PAM: variants seen among roughly 807,000 people sequenced by gnomAD.
The protein encoded by PAM is peptidyl-glycine alpha-amidating monooxygenase.
In PAM, 72 loss-of-function variants were observed where a neutral mutation model predicts 122.1. The ratio of observed to expected loss-of-function variants is 0.59; its 90% confidence interval spans 0.49 to 0.72. The LOEUF (loss-of-function observed/expected upper bound fraction) is 0.72. Among genes scored for constraint, PAM ranks in the 30% least tolerant of loss-of-function variants. PAM has a pLI of 0.00. For missense variants in PAM, 1,106 were observed against 1,183.7 expected (o/e 0.93, Z 0.96); for synonymous variants, 389 against 404.4 (o/e 0.96, Z 0.46).
At chr5:102,853,101 C>T (rs78876507) in intron 1 of PAM, among the ~76,000 whole-genome samples, 11,186 of 152,124 alleles carry the variant, frequency 0.074, 827 homozygotes, top group African/African-American at 0.18. Flanking sequence ...GTTGGTTCTG[C>T]CAGACTGCTT....
rs953211443 is a variant in PAM at position 102,915,822 on chromosome 5, T to C, written c.356+1801T>C. 2.6e-5 allele frequency among the ~76,000 whole-genome samples: 4 copies of C among 152,236 alleles called. No homozygotes were observed. In the East Asian group the frequency reaches 7.7e-4, roughly 29 times the overall value. On this transcript the variant is annotated intron_variant, in intron 5 of 25. Transcript: ENST00000438793. The stretch of plus-strand genomic sequence containing the variant: ...AAAAATTATCTAAAATGAGCCAAGC[T>C]CATTGTTCTCATGTTAAGGGAATAA...
chr5:102,901,471 C>T lies in PAM; in HGVS notation c.268+58C>T, dbSNP rs1000435687. On this transcript the variant is annotated intron_variant, in intron 4 of 25. Coordinates refer to ENST00000438793, the MANE Select transcript of PAM (RefSeq NM_001177306.2). ...TTAATGGAGGGCAGTGATTTGAAAT[C>T]AGTGAAAGGTTCTCTTTGAGGGTTA... 7.5e-6 allele frequency: 7 copies of T among 927,252 alleles called. No individual in the cohort carries two copies. The African/African-American group carries it at 1.1e-4, about 15-fold the overall frequency. 57.4% of individuals were successfully genotyped at this position (927,252 alleles called of 1,614,324 possible).
intron 12 of PAM, 68 bp from the exon 13 acceptor site, chr5:102,959,807 A>T: frequency 9.5e-7 from 1 of 1,053,538 alleles, no homozygotes; most frequent in South Asian, 1.4e-5. Context: ...TAAGGGCTTC[A>T]TTTTTCTTGC....
chr5:102,762,786 C>T (rs557496762), intron 1 of PAM, among the ~76,000 whole-genome samples: 1 of 152,122 alleles, frequency 6.6e-6, no homozygotes, highest in African/African-American at 2.4e-5. Context: ...TAATCAGGAG[C>T]GAAGTGGTTC....
intron 8 of PAM, 33 bp downstream of exon 8, chr5:102,946,918 A>C: frequency 7.1e-7 from 1 of 1,418,430 alleles, no homozygotes; most frequent in Non-Finnish European, 1.0e-6. Context: ...GAGGAGCAGC[A>C]ACTTTAACAT....
At chr5:102,898,871 T>C (rs1240520377) in intron 3 of PAM, among the ~76,000 whole-genome samples, 3 of 151,654 alleles carry the variant, frequency 2.0e-5, no homozygotes, top group African/African-American at 7.3e-5. Flanking sequence ...TTTCACCAAT[T>C]TCCAGATTGT....
At chr5:102,869,864 A>G (rs1410904904) in intron 3 of PAM, among the ~76,000 whole-genome samples, 1 of 152,170 alleles carries the variant, frequency 6.6e-6, no homozygotes, top group Non-Finnish European at 1.5e-5. Flanking sequence ...AAAGCAAGAC[A>G]GAATAATGAA....
At chr5:102,902,778 G>A (rs1031332249) in intron 4 of PAM, among the ~76,000 whole-genome samples, 1 of 151,298 alleles carries the variant, frequency 6.6e-6, no homozygotes, top group African/African-American at 2.4e-5. Flanking sequence ...TTTGAGTCCT[G>A]TTTTCACACC....
chr5:102,828,849 C>T (rs932884999), intron 1 of PAM, among the ~76,000 whole-genome samples: 2 of 151,192 alleles, frequency 1.3e-5, no homozygotes, highest in Admixed American at 6.6e-5. Context: ...GAATACAGCT[C>T]TCAGCCTAGG....
At chr5:102,764,166 CCAGG>C (rs1298956108) in intron 1 of PAM, among the ~76,000 whole-genome samples, 6 of 151,894 alleles carry the variant, frequency 4.0e-5, no homozygotes, top group African/African-American at 1.5e-4. Flanking sequence ...ACTCTCTGTG[CCAGG>C]CTCTAGGAAT....
intron 9 of PAM, among the ~76,000 whole-genome samples, chr5:102,949,294 G>A (rs1758008346): frequency 6.6e-6 from 1 of 152,052 alleles, no homozygotes; most frequent in Non-Finnish European, 1.5e-5. Context: ...TTCACTAACA[G>A]AGTATTTTGA....
At position 102,804,031 on chromosome 5, in the gene PAM, G is replaced by A. The variant is rs141762982; in HGVS notation, c.-374+48683G>A. ...GAGGAGAAACAGGAGAAGTGTGAGG[G>A]TTGCAGGGGGGGATGGGGAGATAGA... On this transcript the variant is annotated intron_variant, in intron 1 of 25. Transcript: ENST00000438793. Among the ~76,000 whole-genome samples, 277 of 152,248 alleles carry A rather than the reference G, an allele frequency of 1.8e-3. 1 individual carries two copies. The highest frequency in any genetic ancestry group is 6.3e-3 in the African/African-American group (263 of 41,542).
chr5:102,945,112 T>C (rs1756597474), intron 7 of PAM, among the ~76,000 whole-genome samples: 3 of 152,140 alleles, frequency 2.0e-5, no homozygotes, highest in Non-Finnish European at 4.4e-5. Flanking sequence ...TCCTATGCTC[T>C]AAATAGAGTG....
At chr5:102,914,931 C>T (rs1319319168) in intron 5 of PAM, among the ~76,000 whole-genome samples, 1 of 152,066 alleles carries the variant, frequency 6.6e-6, no homozygotes, top group East Asian at 1.9e-4. Context: ...TATTAAATGC[C>T]TGTCATATGC....
At chr5:102,915,982 A>G (rs1802980170) in intron 5 of PAM, among the ~76,000 whole-genome samples, 2 of 152,178 alleles carry the variant, frequency 1.3e-5, no homozygotes, top group South Asian at 4.1e-4. Context: ...AGAAAAATAT[A>G]AATGAAAGTG....
intron 1 of PAM, among the ~76,000 whole-genome samples, chr5:102,828,371 T>C (rs941523915): frequency 2.6e-5 from 4 of 151,824 alleles, no homozygotes; most frequent in Non-Finnish European, 5.9e-5. Flanking sequence ...GTTATATTCA[T>C]ATCCTATTCT....
rs1192546243 is a variant in PAM at position 102,865,891 on chromosome 5, G to A, written c.-305G>A. The A allele has an allele frequency of 1.5e-5, 5 of 335,304 alleles. No homozygotes were observed. Among genetic ancestry groups the A allele is most frequent in the African/African-American group, 2.2e-5 (1 of 45,916 alleles). The allele number at this position is 335,304 out of a possible 1,614,324, so 20.8% of individuals were successfully genotyped here. On this transcript the variant is annotated 5_prime_UTR_variant, in exon 2 of 26. Transcript: ENST00000438793. ...AGCCCCTGTCATTCCGGAGTCATAA[G>A]GCACCCGCGCGTCTAGCCCCAGCGC... is the stretch of plus-strand genomic sequence containing the variant.
chr5:102,807,614 C>T (rs1766585995), intron 1 of PAM, among the ~76,000 whole-genome samples: 1 of 152,122 alleles, frequency 6.6e-6, no homozygotes, highest in Non-Finnish European at 1.5e-5. Flanking sequence ...GCAGCTGCCA[C>T]CTCATGGAGA....
chr5:102,932,234 G>A (rs946112366), intron 7 of PAM, among the ~76,000 whole-genome samples: 13 of 152,064 alleles, frequency 8.5e-5, no homozygotes, highest in South Asian at 4.1e-4. Flanking sequence ...AGTGGCTCAC[G>A]CCTGTAATCT....
Sources: gnomAD v4.1 joint callset for allele counts (sites outside exome capture counted in the v4.1 genomes callset) on GRCh38, gnomAD v4.1.1 for gene constraint, MANE v1.5 for transcripts, NCBI Gene and HGNC (gene_info 2026-07-23, HGNC 2026-07-21) for gene names.